Variants in ST7 observed in about 807,000 individuals in gnomAD.
ST7 encodes the protein suppressor of tumorigenicity 7 protein.
Under a neutral mutation model 78.7 loss-of-function variants are expected in ST7, and 28 were observed. That is an observed-to-expected ratio of 0.36 (90% CI 0.26 to 0.49). ST7 has a LOEUF of 0.49. Ranked by LOEUF, ST7 falls within the 20% of genes least tolerant of loss-of-function variation. ST7 has a pLI of 0.99. For missense variants in ST7, 418 were observed against 696.0 expected (o/e 0.60, Z 4.49); for synonymous variants, 247 against 249.6 (o/e 0.99, Z 0.10).
chr7:117,179,159 T>C (rs1808558197), intron 10 of ST7, among the ~76,000 whole-genome samples: 1 of 152,198 alleles, frequency 6.6e-6, no homozygotes, highest in Non-Finnish European at 1.5e-5. Context: ...TGTTGAGAAA[T>C]AACAAGTTTC....
intron 12 of ST7, among the ~76,000 whole-genome samples, chr7:117,207,664 T>C (rs1791902099): frequency 1.3e-5 from 2 of 152,232 alleles, no homozygotes; most frequent in African/African-American, 2.4e-5. Flanking sequence ...GATTTCTGTA[T>C]ACCTGGGACA....
Position 116,991,084 on chromosome 7 carries a change from A to G in ST7, c.151+37393A>G, listed in dbSNP as rs532092463. Among the ~76,000 whole-genome samples the G allele has an allele frequency of 9.2e-5, 14 of 152,324 alleles. No individual in the cohort carries two copies. In the East Asian group the frequency reaches 1.9e-3, roughly 21 times the overall value. On this transcript the variant is annotated intron_variant, in intron 1 of 15. Transcript: ENST00000323984. The stretch of plus-strand genomic sequence containing the variant: ...GTTCGTTCTCGTTGCATTGGTTTGC[A>G]TAGTACTCCATTGTATGATCACATT...
chr7:117,085,436 T>C (rs949767937), intron 1 of ST7, among the ~76,000 whole-genome samples: 2 of 152,206 alleles, frequency 1.3e-5, no homozygotes, highest in African/African-American at 4.8e-5. Flanking sequence ...TCATGTCATC[T>C]CATGTAATGA....
At chr7:117,192,589 A>G (rs772686495) in intron 12 of ST7, among the ~76,000 whole-genome samples, 119 of 152,318 alleles carry the variant, frequency 7.8e-4, no homozygotes, top group Admixed American at 1.2e-3. Flanking sequence ...TTTGATAATT[A>G]TTAAGAATTT....
chr7:116,972,332 C>A, intron 1 of ST7: 1 of 598,204 alleles, frequency 1.7e-6, no homozygotes. Context: ...TTGAATTTAT[C>A]AGTAAGAATC....
intron 13 of ST7, among the ~76,000 whole-genome samples, chr7:117,213,683 A>T (rs1389962659): frequency 1.3e-5 from 2 of 152,172 alleles, no homozygotes; most frequent in Non-Finnish European, 2.9e-5. Context: ...CAAATACATC[A>T]GCATTTCAAA....
intron 1 of ST7, among the ~76,000 whole-genome samples, chr7:117,059,520 G>A (rs1798239522): frequency 6.6e-6 from 1 of 151,906 alleles, no homozygotes; most frequent in Non-Finnish European, 1.5e-5. Flanking sequence ...GTAACATATG[G>A]AATTTCTGGC....
chr7:117,088,273 G>A (rs1017390861), intron 1 of ST7, among the ~76,000 whole-genome samples: 2 of 152,068 alleles, frequency 1.3e-5, no homozygotes, highest in Non-Finnish European at 2.9e-5. Context: ...TTCATATTCT[G>A]TGTTATTTGT....
At chr7:116,971,555 G>GTA (rs139538697) in intron 1 of ST7, among the ~76,000 whole-genome samples, 3,731 of 152,224 alleles carry the variant, frequency 0.025, 63 homozygotes, top group Middle Eastern at 0.037. Context: ...TTGTCCAAAG[G>GTA]TATATTAAAG....
chr7:117,141,730 G>A (rs1420033783), intron 9 of ST7, among the ~76,000 whole-genome samples: 1 of 151,904 alleles, frequency 6.6e-6, no homozygotes, highest in East Asian at 2.0e-4. Flanking sequence ...GAGTGCAGTG[G>A]CACGACTTGG....
At chr7:117,000,708 C>T (rs1362635114) in intron 1 of ST7, among the ~76,000 whole-genome samples, 1 of 152,224 alleles carries the variant, frequency 6.6e-6, no homozygotes, top group African/African-American at 2.4e-5. Flanking sequence ...CGTGGCAGTA[C>T]TGCCATGTGG....
rs775578694 is a variant in ST7 at position 117,229,966 on chromosome 7, G to A, written c.*109G>A. The A allele has an allele frequency of 4.2e-5, 43 of 1,012,936 alleles. No homozygotes were observed. The highest frequency in any genetic ancestry group is 6.3e-5 in the African/African-American group (4 of 63,208). 62.7% of individuals were successfully genotyped at this position (1,012,936 alleles called of 1,614,324 possible). A position where few individuals can be genotyped will look rare whatever the true frequency, so the allele number is the denominator to read the frequency against. Reference sequence around the variant, plus strand: ...GACTTTGAAAAAGGGAAGCCATTCCGAGATTTTAAAATGTTCATGGACTAT... The same window carrying A: ...GACTTTGAAAAAGGGAAGCCATTCCAAGATTTTAAAATGTTCATGGACTAT... On this transcript the variant is annotated 3_prime_UTR_variant, in exon 16 of 16. Transcript: ENST00000323984.
chr7:116,993,642 A>C (rs931015009), intron 1 of ST7, among the ~76,000 whole-genome samples: 13 of 152,256 alleles, frequency 8.5e-5, no homozygotes, highest in Non-Finnish European at 1.5e-4. Context: ...TGGAAACTTC[A>C]GTGTTTGGCA....
intron 1 of ST7, among the ~76,000 whole-genome samples, chr7:117,037,138 G>A (rs533292642): frequency 1.7e-4 from 26 of 152,304 alleles, no homozygotes; most frequent in Non-Finnish European, 1.3e-4. Flanking sequence ...TTGTGAGGCA[G>A]TCTTCCCCCT....
intron 12 of ST7, among the ~76,000 whole-genome samples, chr7:117,202,529 T>C (rs1280229432): frequency 6.6e-6 from 1 of 152,208 alleles, no homozygotes. Flanking sequence ...ATTTGTCACC[T>C]TCGGTTCTTT....
chr7:117,163,949 T>G (rs768449413), intron 9 of ST7, among the ~76,000 whole-genome samples: 3 of 152,176 alleles, frequency 2.0e-5, no homozygotes, highest in Admixed American at 6.6e-5. Flanking sequence ...TTGGAAGCAA[T>G]CTACAGTTTT....
At chr7:117,140,745 A>G (rs1401335416) in intron 9 of ST7, among the ~76,000 whole-genome samples, 1 of 152,174 alleles carries the variant, frequency 6.6e-6, no homozygotes, top group Non-Finnish European at 1.5e-5. Context: ...TAGAATACCA[A>G]TACATGTGCT....
intron 1 of ST7, among the ~76,000 whole-genome samples, chr7:117,097,908 A>ATATATTTTTTTTT: frequency 6.7e-5 from 2 of 30,012 alleles, no homozygotes; most frequent in African/African-American, 1.6e-4. Flanking sequence ...ATATATATAT[A>ATATATTTTTTTTT]TTTTTTTTTT....
intron 10 of ST7, among the ~76,000 whole-genome samples, chr7:117,186,257 G>A (rs1809246500): frequency 6.6e-6 from 1 of 151,934 alleles, no homozygotes; most frequent in Non-Finnish European, 1.5e-5. Flanking sequence ...CTTCTCTTTG[G>A]CATATCCAAA....
Sources: gnomAD v4.1 joint callset for allele counts (sites outside exome capture counted in the v4.1 genomes callset) on GRCh38, gnomAD v4.1.1 for gene constraint, MANE v1.5 for transcripts, NCBI Gene and HGNC (gene_info 2026-07-23, HGNC 2026-07-21) for gene names.